SPAG16: variants seen among roughly 807,000 people sequenced by gnomAD.
SPAG16 encodes sperm associated antigen 16.
SPAG16 carries 86 observed loss-of-function variants against 80.4 expected under a neutral mutation model. The observed-to-expected ratio is 1.07, with a 90% confidence interval of 0.90 to 1.28. The LOEUF (loss-of-function observed/expected upper bound fraction) is 1.28, where lower values mean the gene tolerates loss of function less well. SPAG16 is among the 50% of genes most tolerant of loss of function. The pLI, the probability that SPAG16 is intolerant of heterozygous loss-of-function variation, is 0.00. For missense variants in SPAG16, 870 were observed against 765.3 expected (o/e 1.14, Z -1.61); for synonymous variants, 294 against 265.9 (o/e 1.11, Z -1.03).
In SPAG16 at chr2:213,517,130, C is replaced by CA. The variant is rs112223441; in HGVS notation, c.1070+27041dup. ...TTAGGAAGATTTCAGGACCCAAAAT[C>CA]ATACAAAAATTGGTAGTATTTCTAT... On this transcript the variant is annotated intron_variant, in intron 10 of 15. Coordinates refer to ENST00000331683, the MANE Select transcript of SPAG16 (RefSeq NM_024532.5). Among the ~76,000 whole-genome samples, 119 of 152,170 alleles carry CA rather than the reference C, an allele frequency of 7.8e-4. 2 individuals are homozygous for CA. Among genetic ancestry groups the CA allele is most frequent in the Middle Eastern group, 3.4e-3 (1 of 294 alleles).
At chr2:214,383,330 C>T (rs539630488) in intron 15 of SPAG16, among the ~76,000 whole-genome samples, 6 of 152,126 alleles carry the variant, frequency 3.9e-5, no homozygotes, top group South Asian at 2.1e-4. Context: ...CCTAGCACTT[C>T]GGTAGGCTGT....
intron 10 of SPAG16, among the ~76,000 whole-genome samples, chr2:213,580,952 C>G (rs1031025983): frequency 5.3e-5 from 8 of 151,730 alleles, no homozygotes; most frequent in African/African-American, 1.9e-4. Flanking sequence ...ATTAAGTAAG[C>G]CTATATTTTG....
At chr2:213,492,394 C>CA (rs1215263922) in intron 10 of SPAG16, among the ~76,000 whole-genome samples, 2 of 151,698 alleles carry the variant, frequency 1.3e-5, no homozygotes, top group East Asian at 3.9e-4. Flanking sequence ...ACTAAAAATA[C>CA]AAAAAATTAG....
chr2:213,623,409 T>C (rs1229524205), intron 10 of SPAG16, among the ~76,000 whole-genome samples: 2 of 152,044 alleles, frequency 1.3e-5, no homozygotes, highest in Non-Finnish European at 2.9e-5. Context: ...ATTAGAGGAG[T>C]CTGGAAAATA....
chr2:213,627,387 T>C (rs1413980887), intron 10 of SPAG16, among the ~76,000 whole-genome samples: 1 of 152,236 alleles, frequency 6.6e-6, no homozygotes, highest in Non-Finnish European at 1.5e-5. Flanking sequence ...TAAACTACAG[T>C]GTAACACATA....
chr2:213,822,460 A>G (rs1374521927), intron 10 of SPAG16, among the ~76,000 whole-genome samples: 1 of 151,752 alleles, frequency 6.6e-6, no homozygotes, highest in African/African-American at 2.4e-5. Context: ...GTTTGCAAAT[A>G]TTTTCTCCTA....
intron 9 of SPAG16, chr2:213,375,349 A>G (rs1056994699): frequency 3.0e-6 from 1 of 337,260 alleles, no homozygotes; most frequent in South Asian, 8.8e-5. Context: ...TCACTCTGCC[A>G]CCTATCCCAA....
chr2:213,844,008 G>A (rs2074489741), intron 10 of SPAG16, among the ~76,000 whole-genome samples: 1 of 152,084 alleles, frequency 6.6e-6, no homozygotes, highest in Admixed American at 6.6e-5. Context: ...TTATAGTTCA[G>A]ATTGGCAAGT....
At chr2:213,921,427 T>C (rs1438707480) in intron 11 of SPAG16, among the ~76,000 whole-genome samples, 7 of 152,164 alleles carry the variant, frequency 4.6e-5, no homozygotes. Flanking sequence ...ATGGATGTCA[T>C]TGTATGTGAG....
chr2:213,596,615 G>A (rs186025447), intron 10 of SPAG16, among the ~76,000 whole-genome samples: 3 of 152,228 alleles, frequency 2.0e-5, no homozygotes, highest in Admixed American at 6.5e-5. Context: ...TTTTGCCACT[G>A]GGGAAATTAT....
intron 9 of SPAG16, among the ~76,000 whole-genome samples, chr2:213,437,184 C>A (rs184965800): frequency 6.4e-4 from 97 of 152,274 alleles, no homozygotes; most frequent in Non-Finnish European, 3.8e-4. Context: ...CAGGCATGAG[C>A]CACTGTGCCT....
At chr2:214,328,409 C>A (rs1021630960) in intron 15 of SPAG16, among the ~76,000 whole-genome samples, 1 of 152,068 alleles carries the variant, frequency 6.6e-6, no homozygotes, top group Non-Finnish European at 1.5e-5. Context: ...GTGATCCACC[C>A]GCCTCGGCCT....
At chr2:214,359,318 G>A (rs1227769991) in intron 15 of SPAG16, among the ~76,000 whole-genome samples, 5 of 151,804 alleles carry the variant, frequency 3.3e-5, no homozygotes, top group South Asian at 2.1e-4. Context: ...ACTCAGGTCT[G>A]CCTGACTGCA....
At chr2:213,332,356 A>G (rs1402869637) in intron 5 of SPAG16, among the ~76,000 whole-genome samples, 8 of 152,288 alleles carry the variant, frequency 5.3e-5, no homozygotes, top group African/African-American at 1.9e-4. Context: ...ACAAAATATG[A>G]ATAGACCAAT....
chr2:213,389,090 C>T (rs372390860), intron 9 of SPAG16, among the ~76,000 whole-genome samples: 1 of 152,060 alleles, frequency 6.6e-6, no homozygotes, highest in African/African-American at 2.4e-5. Flanking sequence ...ATGGAATAGA[C>T]TAAACAGCCC....
At chr2:214,214,165 C>T (rs557692893) in intron 15 of SPAG16, among the ~76,000 whole-genome samples, 116 of 150,322 alleles carry the variant, frequency 7.7e-4, no homozygotes, top group Non-Finnish European at 1.4e-3. Context: ...CTAAAATATC[C>T]TTCCCAACCT....
chr2:213,658,841 T>G (rs556702830), intron 10 of SPAG16, among the ~76,000 whole-genome samples: 38 of 152,250 alleles, frequency 2.5e-4, no homozygotes, highest in Admixed American at 2.2e-3. Flanking sequence ...GATGAGACCA[T>G]CCTGGCCAAC....
intron 15 of SPAG16, among the ~76,000 whole-genome samples, chr2:214,166,549 G>A (rs755160457): frequency 7.2e-4 from 110 of 152,252 alleles, no homozygotes; most frequent in Non-Finnish European, 1.0e-3. Flanking sequence ...CCTAGTGTCA[G>A]TAACAACTCT....
intron 9 of SPAG16, among the ~76,000 whole-genome samples, chr2:213,442,175 A>G (rs1456533628): frequency 6.6e-6 from 1 of 152,182 alleles, no homozygotes; most frequent in Non-Finnish European, 1.5e-5. Flanking sequence ...AAACCACTAT[A>G]TCATTTAGAT....
Sources: gnomAD v4.1 joint callset for allele counts (sites outside exome capture counted in the v4.1 genomes callset) on GRCh38, gnomAD v4.1.1 for gene constraint, MANE v1.5 for transcripts, NCBI Gene and HGNC (gene_info 2026-07-23, HGNC 2026-07-21) for gene names.